ARSI: variants seen among roughly 807,000 people sequenced by gnomAD.
ARSI encodes the protein arylsulfatase I.
In ARSI, 37 loss-of-function variants were observed where a neutral mutation model predicts 42.1. The ratio of observed to expected loss-of-function variants is 0.88; its 90% CI spans 0.68 to 1.16. The LOEUF (loss-of-function observed/expected upper bound fraction) is 1.16. Among genes scored for constraint, ARSI ranks in the 50% most tolerant of loss-of-function variants. ARSI has a pLI of 0.00. For synonymous variants in ARSI, 305 were observed against 320.3 expected, an observed-to-expected ratio of 0.95 and a Z score of 0.51; for missense variants, 725 against 790.1, an observed-to-expected ratio of 0.92 and a Z score of 0.99.
At chr5:150,300,776 G>A (rs1234015620) in intron 1 of ARSI, among the ~76,000 whole-genome samples, 3 of 152,144 alleles carry the variant, frequency 2.0e-5, no homozygotes, top group Non-Finnish European at 2.9e-5. Flanking sequence ...TGCTCATTCC[G>A]CTACTTAAAC....
Position 150,301,929 on chromosome 5 carries a change from GACTT to G in ARSI, c.311+130_311+133del, listed in dbSNP as rs1757925212. 12 of 933,224 alleles carry G rather than the reference GACTT, an allele frequency of 1.3e-5. No homozygotes were observed. The South Asian group carries it at 1.8e-4, about 14-fold the overall frequency. 57.8% of individuals were successfully genotyped at this position (933,224 alleles called of 1,614,324 possible). A position where few individuals can be genotyped will look rare whatever the true frequency, so the allele number is the denominator to read the frequency against. On this transcript the variant is annotated intron_variant, in intron 1 of 1. Transcript: ENST00000328668. Reference sequence around the variant, plus strand: ...TAATTGAGGCCTAGAGAGGGCGAGGGACTTACTAATGATTACACAGCCAACAGGA... The same window carrying G: ...TAATTGAGGCCTAGAGAGGGCGAGGGACTAATGATTACACAGCCAACAGGA...
At position 150,302,016 on chromosome 5, in the gene ARSI, G is replaced by T; in HGVS notation, c.311+47C>A. 1.3e-6 allele frequency: 2 copies of T among 1,510,820 alleles called. No individual in the cohort carries two copies. Among genetic ancestry groups the T allele is most frequent in the South Asian group, 2.6e-5 (2 of 78,314 alleles). 93.6% of individuals were successfully genotyped at this position (1,510,820 alleles called of 1,614,324 possible). A position where few individuals can be genotyped will look rare whatever the true frequency, so the allele number is the denominator to read the frequency against. On this transcript the variant is annotated intron_variant, in intron 1 of 1. Coordinates refer to ENST00000328668, the MANE Select transcript of ARSI (RefSeq NM_001012301.4). This position sits in a 1 kb window ranked among gnomAD's most constrained non-coding sequence, Gnocchi z 6.1. ...GCAGGAGAAATCTATCAACTGGGTTGATTTGGGGTTTAGATGCCCAGCCCC... is the reference window on the plus strand; with the variant it reads ...GCAGGAGAAATCTATCAACTGGGTTTATTTGGGGTTTAGATGCCCAGCCCC...
At position 150,297,649 on chromosome 5, in the gene ARSI, C is replaced by T; in HGVS notation, c.1275G>A (p.Lys425=). 2 of 1,613,008 alleles carry T rather than the reference C, an allele frequency of 1.2e-6. No homozygotes were observed. The highest frequency in any genetic ancestry group is 1.7e-6 in the Non-Finnish European group (2 of 1,179,874). The change falls in exon 2 of 2, where the codon AAG becomes AAA. Residue 425 remains lysine, a synonymous_variant. Coordinates refer to ENST00000328668, the MANE Select transcript of ARSI (RefSeq NM_001012301.4). The surrounding 1 kb of genome is among the most constrained non-coding windows in gnomAD (Gnocchi z 7.0). ...CATAGCCGGGGTCTCCTGTCAGCAGCTTCCACTCACCCACGCGGATGGCAG... is the reference window on the plus strand; with the variant it reads ...CATAGCCGGGGTCTCCTGTCAGCAGTTTCCACTCACCCACGCGGATGGCAG... ...VQAAIRVGEW[K]LLTGDPGYGD...
rs773855093 is a variant in ARSI at position 150,298,299 on chromosome 5, T to C, written c.625A>G (p.Thr209Ala). The C allele has an allele frequency of 1.9e-6, 3 of 1,613,418 alleles. No individual in the cohort carries two copies. Among genetic ancestry groups the C allele is most frequent in the East Asian group, 2.2e-5 (1 of 44,862 alleles). Residue 209 changes from threonine (T) to alanine (A), a missense_variant, in exon 2 of 2, where the codon ACT becomes GCT. Coordinates refer to ENST00000328668, the MANE Select transcript of ARSI (RefSeq NM_001012301.4). ...CTGGCGCGCTGGGCATAAAGCATAG[T>C]GGAGTACTGGCCGCTGAGCCCCCAG... ...VAWGLSGQYSTMLYAQRASHI... is the reference protein window; with the variant it reads ...VAWGLSGQYSAMLYAQRASHI...
At position 150,302,106 on chromosome 5, in the gene ARSI, G is replaced by A; in HGVS notation, c.268C>T (p.Gln90Ter). ...CTCCGCGAAGGCGTGCAGATGGGCT[G>A]GATGTAATAATTCTCCAACTTGACC... The part of the protein sequence containing the change: ...KGVKLENYYI[Q>*]PICTPSRSQL... Residue 90 changes from glutamine to a stop codon, truncating the protein, a stop_gained, in exon 1 of 2, where the codon CAG (glutamine) becomes TAG (stop). Transcript: ENST00000328668. LOFTEE classifies it low-confidence loss of function (END_TRUNC). This position sits in a 1 kb window ranked among gnomAD's most constrained non-coding sequence, Gnocchi z 6.1. 1 of 1,608,576 alleles carries A rather than the reference G, an allele frequency of 6.2e-7. No individual in the cohort carries two copies. The highest frequency in any genetic ancestry group is 8.5e-7 in the Non-Finnish European group (1 of 1,177,878).
At position 150,296,904 on chromosome 5, in the gene ARSI, A is replaced by T. The variant is rs1435247983; in HGVS notation, c.*310T>A. 2.2e-5 allele frequency: 5 copies of T among 226,926 alleles called. No homozygotes were observed. Among genetic ancestry groups the T allele is most frequent in the Admixed American group, 5.3e-5 (1 of 18,816 alleles). The allele number at this position is 226,926 out of a possible 1,614,324, so 14.1% of individuals were successfully genotyped here. ...GAACTCCACCGTGGCCCCAGGCTCCAGGGCCACACCAAAGAGTCACAAAGT... is the reference window on the plus strand; with the variant it reads ...GAACTCCACCGTGGCCCCAGGCTCCTGGGCCACACCAAAGAGTCACAAAGT... On this transcript the variant is annotated 3_prime_UTR_variant, in exon 2 of 2. Coordinates refer to ENST00000328668, the MANE Select transcript of ARSI (RefSeq NM_001012301.4).
Position 150,297,810 on chromosome 5 carries a change from C to G in ARSI, c.1114G>C (p.Asp372His), listed in dbSNP as rs150211860. Residue 372 changes from aspartate (D) to histidine (H), a missense_variant, in exon 2 of 2, where the codon GAC (aspartate) becomes CAC (histidine). Physicochemically the swap from Asp to His is moderately conservative, Grantham distance 81. Coordinates refer to ENST00000328668, the MANE Select transcript of ARSI (RefSeq NM_001012301.4). The surrounding 1 kb of genome is among the most constrained non-coding windows in gnomAD (Gnocchi z 7.0). ...CCCTCGCTGATGGCCGGCCACACGTCGTAGCCATCTAGCCCATCGGCTGCT... is the reference window on the plus strand; with the variant it reads ...CCCTCGCTGATGGCCGGCCACACGTGGTAGCCATCTAGCCCATCGGCTGCT... Reference protein sequence around the residue: ...TSAADGLDGYDVWPAISEGRA... With the variant: ...TSAADGLDGYHVWPAISEGRA... 1.2e-6 allele frequency: 2 copies of G among 1,606,366 alleles called. No homozygotes were observed. The highest frequency in any genetic ancestry group is 3.3e-4 in the Middle Eastern group (2 of 6,032).
In ARSI at chr5:150,296,800, C is replaced by G. The variant is rs116367437; in HGVS notation, c.*414G>C. On this transcript the variant is annotated 3_prime_UTR_variant, in exon 2 of 2. Transcript: ENST00000328668. Reference sequence around the variant, plus strand: ...GGCCAGGCTTGGAGTTGCCTCCAGGCAACTCCCAAACACCACCACAGGGAT... The same window carrying G: ...GGCCAGGCTTGGAGTTGCCTCCAGGGAACTCCCAAACACCACCACAGGGAT... 8.0e-3 allele frequency: 1,245 copies of G among 155,632 alleles called. 19 individuals are homozygous for G. Among genetic ancestry groups the G allele is most frequent in the African/African-American group, 0.028 (1,177 of 41,640 alleles). The allele number at this position is 155,632 out of a possible 1,614,324, so 9.6% of individuals were successfully genotyped here. A position where few individuals can be genotyped will look rare whatever the true frequency, so the allele number is the denominator to read the frequency against.
chr5:150,297,589 G>C lies in ARSI; in HGVS notation c.1335C>G (p.Phe445Leu), dbSNP rs1279268721. 1 of 1,610,546 alleles carries C rather than the reference G, an allele frequency of 6.2e-7. No individual in the cohort carries two copies. Among genetic ancestry groups the C allele is most frequent in the African/African-American group, 1.3e-5 (1 of 74,926 alleles). The change falls in exon 2 of 2, where the codon TTC becomes TTG. Residue 445 changes from phenylalanine to leucine, a missense_variant. Coordinates refer to ENST00000328668, the MANE Select transcript of ARSI (RefSeq NM_001012301.4). This position sits in a 1 kb window ranked among gnomAD's most constrained non-coding sequence, Gnocchi z 7.0. ...DWIPPQTLAT[F>L]PGSWWNLERM... ...GTTCCAGGTTCCACCAGCTACCCGG[G>C]AAGGTGGCCAGTGTCTGCGGTGGGA... is the stretch of plus-strand genomic sequence containing the variant.
Position 150,298,338 on chromosome 5 carries a change from C to T in ARSI, c.586G>A (p.Gly196Ser), listed in dbSNP as rs1373345131. The change falls in exon 2 of 2, where the codon GGT becomes AGT. Residue 196 changes from glycine (G) to serine (S), a missense_variant. Physicochemically the swap from Gly to Ser is moderately conservative, Grantham distance 56 (BLOSUM62 0). Transcript: ENST00000328668. ...CTGAGCCCCCAGGCCACATTCTCACCCTCGTGCAGGTCGAAGCCGCACACG... is the reference window on the plus strand; with the variant it reads ...CTGAGCCCCCAGGCCACATTCTCACTCTCGTGCAGGTCGAAGCCGCACACG... ...PGVCGFDLHEGENVAWGLSGQ... is the reference protein window; with the variant it reads ...PGVCGFDLHESENVAWGLSGQ... 2 of 1,613,966 alleles carry T rather than the reference C, an allele frequency of 1.2e-6. No homozygotes were observed. Among genetic ancestry groups the T allele is most frequent in the African/African-American group, 1.3e-5 (1 of 74,928 alleles).
chr5:150,299,605 G>C (rs761954364), intron 1 of ARSI, among the ~76,000 whole-genome samples: 1 of 151,966 alleles, frequency 6.6e-6, no homozygotes, highest in Non-Finnish European at 1.5e-5. Context: ...GGAAGGGGAA[G>C]GGCCTTAACT....
In ARSI at chr5:150,298,342, G is replaced by A. The variant is rs762293058; in HGVS notation, c.582C>T (p.His194=). ...GCCCCCAGGCCACATTCTCACCCTCGTGCAGGTCGAAGCCGCACACGCCTG... is the reference window on the plus strand; with the variant it reads ...GCCCCCAGGCCACATTCTCACCCTCATGCAGGTCGAAGCCGCACACGCCTG... ...DGPGVCGFDL[H]EGENVAWGLS... The change falls in exon 2 of 2, where the codon CAC becomes CAT. Residue 194 remains histidine (H), a synonymous_variant. Coordinates refer to ENST00000328668, the MANE Select transcript of ARSI (RefSeq NM_001012301.4). 14 of 1,614,114 alleles carry A rather than the reference G, an allele frequency of 8.7e-6. No homozygotes were observed. Among genetic ancestry groups the A allele is most frequent in the East Asian group, 4.5e-5 (2 of 44,884 alleles).
At position 150,302,756 on chromosome 5, in the gene ARSI, T is replaced by G; in HGVS notation, c.-383A>C. On this transcript the variant is annotated 5_prime_UTR_variant, in exon 1 of 2. Coordinates refer to ENST00000328668, the MANE Select transcript of ARSI (RefSeq NM_001012301.4). This position sits in a 1 kb window ranked among gnomAD's most constrained non-coding sequence, Gnocchi z 6.1. The stretch of plus-strand genomic sequence containing the variant: ...GCCCTGGATTTCTCCCGCCTCCTAA[T>G]TTCTCTCTCCTCTGCTTTCCCGGCC... 1 of 166,530 alleles carries G rather than the reference T, an allele frequency of 6.0e-6. No individual in the cohort carries two copies. The allele number at this position is 166,530 out of a possible 1,614,324, so 10.3% of individuals were successfully genotyped here. A position where few individuals can be genotyped will look rare whatever the true frequency, so the allele number is the denominator to read the frequency against.
chr5:150,298,272 G>C lies in ARSI; in HGVS notation c.652C>G (p.His218Asp). The C allele has an allele frequency of 1.9e-6, 3 of 1,613,620 alleles. No individual in the cohort carries two copies. Among genetic ancestry groups the C allele is most frequent in the Non-Finnish European group, 8.5e-7 (1 of 1,179,788 alleles). Residue 218 changes from histidine (H) to aspartate (D), a missense_variant, in exon 2 of 2, where the codon CAT becomes GAT. By Grantham distance (81) the His-to-Asp change is moderately conservative (BLOSUM62 -1). Transcript: ENST00000328668. ...STMLYAQRAS[H>D]ILASHSPQRP... ...TGAGGGCTGTGGCTGGCCAGGATAT[G>C]GCTGGCGCGCTGGGCATAAAGCATA...
intron 1 of ARSI, 106 bp from the exon 2 acceptor site, chr5:150,298,718 C>T: frequency 9.4e-7 from 1 of 1,062,606 alleles, no homozygotes; most frequent in Non-Finnish European, 1.3e-6. Context: ...GGTCCCAGCA[C>T]TACCAGCAAA....
chr5:150,296,522 T>C lies in ARSI; in HGVS notation c.*692A>G, dbSNP rs1029003374. 1 of 152,258 alleles carries C rather than the reference T, an allele frequency of 6.6e-6. No homozygotes were observed. Among genetic ancestry groups the C allele is most frequent in the African/African-American group, 2.4e-5 (1 of 41,460 alleles). 9.4% of individuals were successfully genotyped at this position (152,258 alleles called of 1,614,324 possible). On this transcript the variant is annotated 3_prime_UTR_variant, in exon 2 of 2. Coordinates refer to ENST00000328668, the MANE Select transcript of ARSI (RefSeq NM_001012301.4). ...CAGGAGAACCCAGGTGTCCTGGTAC[T>C]GGTTTGGGGGCTCTTCACAGCTCTT...
chr5:150,298,062 T>G lies in ARSI; in HGVS notation c.862A>C (p.Asn288His). 6.2e-7 allele frequency: 1 copy of G among 1,612,578 alleles called. No homozygotes were observed. Among genetic ancestry groups the G allele is most frequent in the Non-Finnish European group, 8.5e-7 (1 of 1,179,944 alleles). Residue 288 changes from asparagine to histidine, a missense_variant, in exon 2 of 2, where the codon AAC becomes CAC. Coordinates refer to ENST00000328668, the MANE Select transcript of ARSI (RefSeq NM_001012301.4). The stretch of plus-strand genomic sequence containing the variant: ...CTGGAGAAGATGATGACACTGTTGT[T>G]GTAGAAACCGTAGCGCTTGAGGGCC... ...TWALKRYGFY[N>H]NSVIIFSSDN...
At chr5:150,301,917 G>A in intron 1 of ARSI, 146 bp downstream of exon 1, 2 of 831,164 alleles carry the variant, frequency 2.4e-6, no homozygotes, top group Non-Finnish European at 3.6e-6. Context: ...TTGAGGCCTA[G>A]AGAGGGCGAG....
chr5:150,302,130 C>T lies in ARSI; in HGVS notation c.244G>A (p.Val82Ile). 1 of 1,612,324 alleles carries T rather than the reference C, an allele frequency of 6.2e-7. No individual in the cohort carries two copies. Among genetic ancestry groups the T allele is most frequent in the East Asian group, 2.2e-5 (1 of 44,842 alleles). Residue 82 changes from valine (V) to isoleucine (I), a missense_variant, in exon 1 of 2, where the codon GTC becomes ATC. Transcript: ENST00000328668. This position sits in a 1 kb window ranked among gnomAD's most constrained non-coding sequence, Gnocchi z 6.1. The stretch of plus-strand genomic sequence containing the variant: ...TGGATGTAATAATTCTCCAACTTGA[C>T]CCCCTTGGCCGCCAGCCTGTCCAGC... ...PTLDRLAAKG[V>I]KLENYYIQPI...
Sources: allele counts gnomAD v4.1 joint callset (sites outside exome capture counted in the v4.1 genomes callset), GRCh38; gene constraint gnomAD v4.1.1; non-coding constraint Gnocchi (gnomAD v3.1); transcripts MANE v1.5; gene names NCBI Gene and HGNC (gene_info 2026-07-23, HGNC 2026-07-21).